Variants in ALMS1 observed in about 807,000 individuals in gnomAD.
ALMS1 encodes ALMS1 centrosome and basal body associated protein.
A neutral mutation model predicts 352.2 loss-of-function variants in ALMS1; 271 were observed. That is an observed-to-expected ratio of 0.77 (90% CI 0.70 to 0.85). The LOEUF is 0.85. Among genes scored for constraint, ALMS1 ranks in the 40% least tolerant of loss-of-function variants. ALMS1 has a pLI of 0.00. For synonymous variants in ALMS1, 1,865 were observed against 1,761.2 expected (o/e 1.06, Z -1.48); for missense variants, 5,445 against 4,870.7 (o/e 1.12, Z -3.51).
intron 10 of ALMS1, among the ~76,000 whole-genome samples, chr2:73,496,666 T>C (rs1359661383): frequency 6.6e-6 from 1 of 152,052 alleles, no homozygotes; most frequent in African/African-American, 2.4e-5. Context: ...ATACTGGTTT[T>C]TCAGAGTGTC....
Position 73,454,076 on chromosome 2 carries a change from A to G in ALMS1, c.7540+9A>G. The G allele has an allele frequency of 1.9e-6, 3 of 1,602,790 alleles. No homozygotes were observed. Among genetic ancestry groups the G allele is most frequent in the Non-Finnish European group, 2.6e-6 (3 of 1,174,292 alleles). On this transcript the variant is annotated intron_variant, in intron 8 of 22. Transcript: ENST00000613296. ...CCGGGTACGAGCACATGGTAAGAAGAAAGTTTCAGGCTTATAAACGTTATA... is the reference window on the plus strand; with the variant it reads ...CCGGGTACGAGCACATGGTAAGAAGGAAGTTTCAGGCTTATAAACGTTATA...
chr2:73,386,253 G>A (rs1670527939), intron 1 of ALMS1, 61 bp downstream of exon 1: 2 of 1,421,668 alleles, frequency 1.4e-6, no homozygotes, highest in Non-Finnish European at 1.8e-6. Context: ...GCTGGGCCCC[G>A]AGCGCTCCGC....
chr2:73,419,370 G>A (rs778924132), intron 3 of ALMS1, 52 bp downstream of exon 3: 2 of 1,559,130 alleles, frequency 1.3e-6, no homozygotes, highest in East Asian at 4.5e-5. Context: ...TGTAAGTTTT[G>A]CGGGGACTGC....
chr2:73,482,535 TTC>T (rs1035698903), intron 9 of ALMS1, among the ~76,000 whole-genome samples: 2 of 152,222 alleles, frequency 1.3e-5, no homozygotes, highest in African/African-American at 4.8e-5. Context: ...TGGTCTAAAA[TTC>T]TCTTTTTTTG....
chr2:73,527,727 G>A (rs1010142053), intron 11 of ALMS1, among the ~76,000 whole-genome samples: 4 of 151,700 alleles, frequency 2.6e-5, no homozygotes, highest in African/African-American at 9.7e-5. Flanking sequence ...TTCATTTTGC[G>A]ATGTTTTTCT....
intron 16 of ALMS1, among the ~76,000 whole-genome samples, chr2:73,575,603 TA>T (rs1291409411): frequency 6.6e-6 from 1 of 152,244 alleles, no homozygotes; most frequent in African/African-American, 2.4e-5. Flanking sequence ...TGTGCTTATT[TA>T]ACCATTTGTA....
chr2:73,509,555 A>G (rs1673406358), intron 10 of ALMS1, among the ~76,000 whole-genome samples: 1 of 152,138 alleles, frequency 6.6e-6, no homozygotes, highest in South Asian at 2.1e-4. Flanking sequence ...TGGGTTGAAA[A>G]TTCTTTTCTT....
At chr2:73,571,908 TA>T (rs138556223) in intron 15 of ALMS1, among the ~76,000 whole-genome samples, 6 of 148,112 alleles carry the variant, frequency 4.1e-5, no homozygotes, top group South Asian at 2.1e-4. Flanking sequence ...CAGGATTAAT[TA>T]AAAAAAAAAC....
chr2:73,536,925 A>G (rs1674041837), intron 12 of ALMS1, among the ~76,000 whole-genome samples: 2 of 152,350 alleles, frequency 1.3e-5, no homozygotes, highest in African/African-American at 4.8e-5. Flanking sequence ...TCCCATTCCC[A>G]GTACCTCAGC....
chr2:73,491,358 A>C lies in ALMS1; in HGVS notation c.9399A>C (p.Pro3133=). 2 of 1,614,192 alleles carry C rather than the reference A, an allele frequency of 1.2e-6. No homozygotes were observed. The highest frequency in any genetic ancestry group is 1.7e-6 in the Non-Finnish European group (2 of 1,180,018). ...TCCAAGTCGTACAGCCTTCTCTTCC[A>C]GACAGTAACACTATTACTCAGGACT... The part of the protein sequence containing the change: ...LDFQVVQPSL[P]DSNTITQDLK... Residue 3133 remains proline (P), a synonymous_variant, in exon 10 of 23, where the codon CCA becomes CCC. Transcript: ENST00000613296.
chr2:73,487,296 C>T (rs1036459967), intron 9 of ALMS1, among the ~76,000 whole-genome samples: 1 of 152,128 alleles, frequency 6.6e-6, no homozygotes, highest in Non-Finnish European at 1.5e-5. Context: ...TGGGGTCTAG[C>T]CACTGTACAC....
chr2:73,511,915 T>TAA (rs1378738417), intron 10 of ALMS1, among the ~76,000 whole-genome samples: 3 of 152,154 alleles, frequency 2.0e-5, no homozygotes, highest in Non-Finnish European at 4.4e-5. Flanking sequence ...AGGAGTGTGA[T>TAA]TATTGAGTTG....
At chr2:73,493,686 C>T (rs1159769327) in intron 10 of ALMS1, among the ~76,000 whole-genome samples, 2 of 151,824 alleles carry the variant, frequency 1.3e-5, no homozygotes, top group Non-Finnish European at 1.5e-5. Context: ...TGCACCACTG[C>T]ACTCCAGCCT....
chr2:73,554,604 T>G (rs191726021), intron 13 of ALMS1, among the ~76,000 whole-genome samples: 1 of 151,420 alleles, frequency 6.6e-6, no homozygotes, highest in East Asian at 1.9e-4. Flanking sequence ...TCCCAGCTAC[T>G]CAGGAGGCTG....
At chr2:73,480,130 G>C (rs1380509804) in intron 9 of ALMS1, among the ~76,000 whole-genome samples, 1 of 151,412 alleles carries the variant, frequency 6.6e-6, no homozygotes, top group East Asian at 1.9e-4. Flanking sequence ...CATTGTGCAG[G>C]TTAGTTACAT....
rs750619308 is a variant in ALMS1 at position 73,449,414 on chromosome 2, G to T, written c.2887G>T (p.Val963Phe). 1 of 1,614,032 alleles carries T rather than the reference G, an allele frequency of 6.2e-7. No homozygotes were observed. The highest frequency in any genetic ancestry group is 1.1e-5 in the South Asian group (1 of 91,084). Residue 963 changes from valine to phenylalanine, a missense_variant, in exon 8 of 23, where the codon GTT becomes TTT. Transcript: ENST00000613296. ...NSHSHSEKSS[V>F]FYQQELPDSD... ...TCACTCACATAGCGAGAAATCTAGT[G>T]TTTTCTACCAGCAAGAGTTGCCAGA...
intron 12 of ALMS1, among the ~76,000 whole-genome samples, chr2:73,538,296 T>A (rs1674075745): frequency 6.6e-6 from 1 of 152,214 alleles, no homozygotes; most frequent in African/African-American, 2.4e-5. Flanking sequence ...AATAAACACC[T>A]GAAAATCTTC....
At chr2:73,607,402 A>G (rs1215324968) in intron 21 of ALMS1, among the ~76,000 whole-genome samples, 2 of 152,132 alleles carry the variant, frequency 1.3e-5, no homozygotes, top group African/African-American at 2.4e-5. Context: ...TGTTTCTCCC[A>G]ACTTAAAATC....
chr2:73,601,293 A>T lies in ALMS1; in HGVS notation c.11971A>T (p.Ile3991Leu), dbSNP rs368146962. The T allele has an allele frequency of 8.7e-6, 14 of 1,614,222 alleles. No homozygotes were observed. The highest frequency in any genetic ancestry group is 1.2e-5 in the Non-Finnish European group (14 of 1,180,032). ...CGPGISWFEP[I>L]TKTRPWREPL... is the part of the protein sequence containing the mutation. Reference sequence around the variant, plus strand: ...CCCTGGCATCTCCTGGTTTGAACCAATAACCAAGACCAGACCCTGGAGGGA... The same window carrying T: ...CCCTGGCATCTCCTGGTTTGAACCATTAACCAAGACCAGACCCTGGAGGGA... The change falls in exon 19 of 23, where the codon ATA becomes TTA. Residue 3991 changes from isoleucine to leucine, a missense_variant. By Grantham distance (5) the Ile-to-Leu change is conservative. Transcript: ENST00000613296.
Sources: allele counts gnomAD v4.1 joint callset (sites outside exome capture counted in the v4.1 genomes callset), GRCh38; gene constraint gnomAD v4.1.1; transcripts MANE v1.5; gene names NCBI Gene and HGNC (gene_info 2026-07-23, HGNC 2026-07-21).